SLIT3: variants seen among roughly 807,000 people sequenced by gnomAD.
The protein encoded by SLIT3 is slit homolog 3 protein.
SLIT3 carries 68 observed loss-of-function variants against 184.0 expected under a neutral mutation model. That is an observed-to-expected ratio of 0.37 (90% CI 0.30 to 0.45). The LOEUF (loss-of-function observed/expected upper bound fraction) is 0.45, where lower values mean the gene tolerates loss of function less well. Among genes scored for constraint, SLIT3 ranks in the 20% least tolerant of loss-of-function variants. SLIT3 has a pLI of 1.00. For synonymous variants in SLIT3, 831 were observed against 828.6 expected (o/e 1.00, Z -0.05); for missense variants, 1,707 against 2,026.0 (o/e 0.84, Z 3.02).
chr5:168,809,525 T>C (rs1757096931), intron 8 of SLIT3, among the ~76,000 whole-genome samples: 1 of 152,166 alleles, frequency 6.6e-6, no homozygotes, highest in Non-Finnish European at 1.5e-5. Flanking sequence ...CTAGAAACAT[T>C]CTCCTGTGAT....
chr5:168,668,881 T>C (rs1231868178), intron 35 of SLIT3, among the ~76,000 whole-genome samples: 2 of 152,246 alleles, frequency 1.3e-5, no homozygotes, highest in Non-Finnish European at 2.9e-5. Context: ...ATGATTCTCT[T>C]GCCTCGCCTC....
chr5:168,956,999 C>A (rs1762848488), intron 4 of SLIT3, among the ~76,000 whole-genome samples: 1 of 151,374 alleles, frequency 6.6e-6, no homozygotes, highest in Non-Finnish European at 1.5e-5. Context: ...GAGGCCGAGG[C>A]AGGTGGATCA....
chr5:169,203,151 A>T (rs925665600), intron 3 of SLIT3, among the ~76,000 whole-genome samples: 4 of 152,004 alleles, frequency 2.6e-5, no homozygotes, highest in Non-Finnish European at 5.9e-5. Context: ...GCCTAAGTAA[A>T]TTTTGCCCAG....
intron 4 of SLIT3, among the ~76,000 whole-genome samples, chr5:169,028,506 T>A (rs2113514266): frequency 1.3e-5 from 2 of 152,378 alleles, no homozygotes; most frequent in Admixed American, 1.3e-4. Flanking sequence ...GGATTAAATA[T>A]AACACATGTA....
chr5:169,288,965 G>T (rs929099404), intron 1 of SLIT3, among the ~76,000 whole-genome samples: 3 of 152,212 alleles, frequency 2.0e-5, no homozygotes, highest in Non-Finnish European at 2.9e-5. Flanking sequence ...ACAGGATTTA[G>T]TGGTTCAATT....
intron 4 of SLIT3, among the ~76,000 whole-genome samples, chr5:169,013,840 C>A (rs756942277): frequency 1.1e-4 from 16 of 152,310 alleles, no homozygotes; most frequent in Middle Eastern, 3.4e-3. Context: ...GTCGTATTTT[C>A]TCATGCCACT....
chr5:168,898,785 C>T (rs1760773282), intron 4 of SLIT3, among the ~76,000 whole-genome samples: 1 of 152,194 alleles, frequency 6.6e-6, no homozygotes, highest in African/African-American at 2.4e-5. Flanking sequence ...TTCTTATCAA[C>T]TTTTCTAAGT....
chr5:168,946,436 C>T (rs1762485613), intron 4 of SLIT3, among the ~76,000 whole-genome samples: 1 of 152,230 alleles, frequency 6.6e-6, no homozygotes, highest in East Asian at 1.9e-4. Context: ...TGCAGATAGC[C>T]TGGGCCCTGC....
chr5:168,920,917 T>C (rs574618013), intron 4 of SLIT3, among the ~76,000 whole-genome samples: 141 of 152,278 alleles, frequency 9.3e-4, no homozygotes, highest in Non-Finnish European at 1.5e-3. Context: ...CACACATCGC[T>C]CATTCCTTCA....
chr5:169,060,669 G>C (rs1758147859), intron 4 of SLIT3, among the ~76,000 whole-genome samples: 1 of 152,212 alleles, frequency 6.6e-6, no homozygotes, highest in Non-Finnish European at 1.5e-5. Flanking sequence ...AGTGACACAG[G>C]GTTAGCCCCT....
At chr5:169,079,420 G>T (rs1758876028) in intron 4 of SLIT3, among the ~76,000 whole-genome samples, 1 of 141,140 alleles carries the variant, frequency 7.1e-6, no homozygotes, top group African/African-American at 2.6e-5. Context: ...CACTGTCCAG[G>T]CTAAGAGACC....
chr5:169,086,692 T>C (rs888476029), intron 4 of SLIT3, among the ~76,000 whole-genome samples: 2 of 152,242 alleles, frequency 1.3e-5, no homozygotes, highest in African/African-American at 2.4e-5. Context: ...TTGTGCAAAC[T>C]TTCTGAAAGC....
chr5:168,775,219 G>T (rs1465655711), intron 12 of SLIT3, among the ~76,000 whole-genome samples: 2 of 151,710 alleles, frequency 1.3e-5, no homozygotes, highest in Non-Finnish European at 2.9e-5. Flanking sequence ...TGTATTTTTA[G>T]TAGAGACGGG....
chr5:169,213,737 C>T (rs531648266), intron 3 of SLIT3, among the ~76,000 whole-genome samples: 2 of 152,300 alleles, frequency 1.3e-5, no homozygotes, highest in Admixed American at 1.3e-4. Context: ...AATATAAATT[C>T]CATGTGGGTA....
chr5:168,804,757 A>C (rs1046460001), intron 9 of SLIT3, among the ~76,000 whole-genome samples: 63 of 152,182 alleles, frequency 4.1e-4, no homozygotes, highest in African/African-American at 1.5e-3. Flanking sequence ...AAGAAAGAAG[A>C]AGCGAAGTCT....
At chr5:169,297,368 G>T (rs1767541817) in intron 1 of SLIT3, among the ~76,000 whole-genome samples, 1 of 152,110 alleles carries the variant, frequency 6.6e-6, no homozygotes, top group African/African-American at 2.4e-5. Context: ...CCCATTCCAG[G>T]CCTGAAGCAA....
At chr5:169,060,353 T>C (rs927721373) in intron 4 of SLIT3, among the ~76,000 whole-genome samples, 4 of 152,042 alleles carry the variant, frequency 2.6e-5, no homozygotes, top group Non-Finnish European at 5.9e-5. Context: ...GATCGCACCA[T>C]TGTACTCCAG....
chr5:169,056,752 G>A (rs1758014311), intron 4 of SLIT3, among the ~76,000 whole-genome samples: 1 of 152,244 alleles, frequency 6.6e-6, no homozygotes, highest in African/African-American at 2.4e-5. Flanking sequence ...CAAGGGAGCA[G>A]ATTGGCGGAG....
At chr5:169,098,769 A>ATTGTAATG (rs1759890222) in intron 4 of SLIT3, among the ~76,000 whole-genome samples, 1 of 152,192 alleles carries the variant, frequency 6.6e-6, no homozygotes, top group Non-Finnish European at 1.5e-5. Flanking sequence ...TTACAATGGG[A>ATTGTAATG]CAATTGTTCA....
Sources: gnomAD v4.1 joint callset for allele counts (sites outside exome capture counted in the v4.1 genomes callset) on GRCh38, gnomAD v4.1.1 for gene constraint, MANE v1.5 for transcripts, NCBI Gene and HGNC (gene_info 2026-07-23, HGNC 2026-07-21) for gene names.